The following C1orf94 variants were observed in gnomAD, a reference collection of about 807,000 sequenced individuals.
C1orf94 encodes uncharacterized protein C1orf94.
C1orf94 carries 45 observed loss-of-function variants against 53.6 expected under a neutral mutation model. The ratio of observed to expected loss-of-function variants is 0.84; its 90% CI spans 0.66 to 1.08. C1orf94 has a LOEUF of 1.08. C1orf94 is among the 50% of genes least tolerant of loss of function. The probability of loss-of-function intolerance (pLI) is 0.00; values close to 1 mark genes in which losing one functional copy is unlikely to be tolerated. For missense variants in C1orf94, 762 were observed against 738.9 expected, an observed-to-expected ratio of 1.03 and a Z score of -0.36; for synonymous variants, 304 against 296.1, an observed-to-expected ratio of 1.03 and a Z score of -0.27.
chr1:34,192,231 T>C (rs1443724158), intron 1 of C1orf94, among the ~76,000 whole-genome samples: 2 of 152,172 alleles, frequency 1.3e-5, no homozygotes, highest in African/African-American at 4.8e-5. Flanking sequence ...AGCAAAGTGG[T>C]CGGGTGCCCA....
At chr1:34,186,470 A>G (rs944925083) in intron 1 of C1orf94, among the ~76,000 whole-genome samples, 8 of 152,240 alleles carry the variant, frequency 5.3e-5, no homozygotes, top group African/African-American at 1.7e-4. Context: ...TATGCCAGGA[A>G]ACTTAGGCTG....
At chr1:34,211,975 C>T (rs1265002289) in intron 5 of C1orf94, among the ~76,000 whole-genome samples, 2 of 152,094 alleles carry the variant, frequency 1.3e-5, no homozygotes, top group South Asian at 2.1e-4. Flanking sequence ...CCACTAACAA[C>T]GTAGATAGTG....
chr1:34,190,715 A>G (rs1330564360), intron 1 of C1orf94, among the ~76,000 whole-genome samples: 1 of 152,218 alleles, frequency 6.6e-6, no homozygotes, highest in Non-Finnish European at 1.5e-5. Flanking sequence ...ATTGCCTCAG[A>G]TCACTGGCTT....
In C1orf94 at chr1:34,218,686, G is replaced by C; in HGVS notation, c.1722G>C (p.Gly574=). The change falls in exon 7 of 7, where the codon GGG becomes GGC. Residue 574 remains glycine, a splice_region_variant and synonymous_variant. Transcript: ENST00000488417. ...GPQYLFPQGY[G]FGSTSGGPLM... ...GGCATCCACCCTCCCTCTCTTCCAGGTTCGGCTCGACATCCGGAGGGCCCT... is the reference window on the plus strand; with the variant it reads ...GGCATCCACCCTCCCTCTCTTCCAGCTTCGGCTCGACATCCGGAGGGCCCT... The C allele has an allele frequency of 6.2e-7, 1 of 1,611,122 alleles. No homozygotes were observed. Among genetic ancestry groups the C allele is most frequent in the Non-Finnish European group, 8.5e-7 (1 of 1,178,144 alleles).
At chr1:34,210,129 A>AT (rs1003007407) in intron 5 of C1orf94, among the ~76,000 whole-genome samples, 6 of 152,104 alleles carry the variant, frequency 3.9e-5, no homozygotes, top group Non-Finnish European at 8.8e-5. Context: ...TCAGGGGCAC[A>AT]TTTTTTTATA....
At chr1:34,201,263 G>T (rs747249429) in intron 3 of C1orf94, among the ~76,000 whole-genome samples, 3 of 152,166 alleles carry the variant, frequency 2.0e-5, no homozygotes, top group East Asian at 3.9e-4. Context: ...CATTATTAAT[G>T]GTCACTTCTG....
intron 1 of C1orf94, among the ~76,000 whole-genome samples, chr1:34,195,785 T>G (rs911370567): frequency 1.4e-5 from 2 of 143,026 alleles, no homozygotes; most frequent in East Asian, 4.3e-4. Context: ...CGTGGGTGTG[T>G]GTGTGTGTGT....
chr1:34,175,709 C>A (rs1642215028), upstream of C1orf94, among the ~76,000 whole-genome samples: 2 of 152,048 alleles, frequency 1.3e-5, no homozygotes, highest in South Asian at 4.1e-4. Flanking sequence ...TTTTTGAGTG[C>A]CTACTATGTG....
intron 1 of C1orf94, among the ~76,000 whole-genome samples, chr1:34,191,340 C>A (rs1162242744): frequency 2.0e-5 from 3 of 152,126 alleles, no homozygotes; most frequent in Admixed American, 6.5e-5. Flanking sequence ...ATGAGCCCTT[C>A]TTATTATTTT....
At chr1:34,189,820 C>T (rs571175363) in intron 1 of C1orf94, among the ~76,000 whole-genome samples, 15 of 152,352 alleles carry the variant, frequency 9.8e-5, no homozygotes, top group African/African-American at 2.9e-4. Context: ...TCTTGGCTGG[C>T]TCCTGGCCTC....
chr1:34,184,253 A>G (rs915174750), intron 1 of C1orf94, among the ~76,000 whole-genome samples: 6 of 152,206 alleles, frequency 3.9e-5, no homozygotes, highest in Non-Finnish European at 8.8e-5. Context: ...TCTTGAGAAG[A>G]GAGAAAGAAC....
intron 4 of C1orf94, among the ~76,000 whole-genome samples, chr1:34,205,515 AATGGGTTC>A (rs1181316890): frequency 6.6e-6 from 1 of 152,176 alleles, no homozygotes; most frequent in African/African-American, 2.4e-5. Context: ...TCATTTGTGA[AATGGGTTC>A]ATAATAATTG....
At chr1:34,174,405 A>G (rs1309929696), upstream of C1orf94, among the ~76,000 whole-genome samples, 1 of 152,338 alleles carries the variant, frequency 6.6e-6, no homozygotes. Context: ...TTATCATCCC[A>G]TTTTACAGAC....
chr1:34,178,991 G>A (rs558110811), intron 1 of C1orf94, among the ~76,000 whole-genome samples: 12 of 152,330 alleles, frequency 7.9e-5, no homozygotes, highest in African/African-American at 2.4e-4. Context: ...GCTAATTAAA[G>A]ACTAACCGAT....
At chr1:34,179,047 G>A (rs574251101) in intron 1 of C1orf94, among the ~76,000 whole-genome samples, 5 of 152,240 alleles carry the variant, frequency 3.3e-5, no homozygotes, top group Non-Finnish European at 4.4e-5. Flanking sequence ...TCAGTTCAGA[G>A]ATGCTCTGGA....
At chr1:34,208,637 C>T (rs1392045340) in intron 5 of C1orf94, among the ~76,000 whole-genome samples, 1 of 152,132 alleles carries the variant, frequency 6.6e-6, no homozygotes, top group Admixed American at 6.5e-5. Flanking sequence ...CGCCACATCT[C>T]GGGGACTTTC....
At chr1:34,206,090 G>A (rs1477864124) in intron 4 of C1orf94, among the ~76,000 whole-genome samples, 2 of 152,244 alleles carry the variant, frequency 1.3e-5, no homozygotes, top group East Asian at 3.9e-4. Context: ...GCAGCGGTGG[G>A]CAGCTGTTTG....
At chr1:34,181,986 G>A (rs1325466341) in intron 1 of C1orf94, among the ~76,000 whole-genome samples, 1 of 152,184 alleles carries the variant, frequency 6.6e-6, no homozygotes, top group African/African-American at 2.4e-5. Context: ...TTGAGCCCAG[G>A]AGTTCAAGAC....
intron 1 of C1orf94, among the ~76,000 whole-genome samples, chr1:34,179,020 C>T (rs1453891710): frequency 6.6e-6 from 1 of 152,220 alleles, no homozygotes; most frequent in Non-Finnish European, 1.5e-5. Context: ...GTTGCCTGCT[C>T]CAACACATGC....
Sources: allele counts gnomAD v4.1 joint callset (sites outside exome capture counted in the v4.1 genomes callset), GRCh38; gene constraint gnomAD v4.1.1; transcripts MANE v1.5; gene names NCBI Gene and HGNC (gene_info 2026-07-23, HGNC 2026-07-21).